RP1: variants seen among roughly 807,000 people sequenced by gnomAD.
RP1 encodes RP1 axonemal microtubule associated, also known as oxygen-regulated protein 1.
A neutral mutation model predicts 14.8 loss-of-function variants in RP1; 16 were observed. That is an observed-to-expected ratio of 1.08 (90% CI 0.73 to 1.65). RP1 has a LOEUF of 1.65. Ranked by LOEUF, RP1 falls within the 40% of genes most tolerant of loss-of-function variation. RP1 has a pLI of 0.00. For missense variants in RP1, 2,631 were observed against 2,535.0 expected (o/e 1.04, Z -0.81); for synonymous variants, 876 against 883.6 (o/e 0.99, Z 0.15).
At chr8:54,806,362 G>A (rs1203371778) in intron 24 of RP1, among the ~76,000 whole-genome samples, 2 of 151,976 alleles carry the variant, frequency 1.3e-5, no homozygotes, top group Admixed American at 6.6e-5. Flanking sequence ...AGAGTTTAGC[G>A]ATGGACATCC....
intron 24 of RP1, among the ~76,000 whole-genome samples, chr8:54,802,052 C>T (rs890878963): frequency 2.0e-5 from 3 of 152,046 alleles, no homozygotes; most frequent in Non-Finnish European, 4.4e-5. Context: ...CACTAAAGAG[C>T]TGCAGATAAT....
chr8:54,743,024 A>G (rs529264620), intron 19 of RP1, among the ~76,000 whole-genome samples: 11 of 152,310 alleles, frequency 7.2e-5, no homozygotes, highest in African/African-American at 2.6e-4. Context: ...AACACTAATT[A>G]ATTGATTGAA....
chr8:54,861,611 C>CT (rs919811387), intron 27 of RP1, among the ~76,000 whole-genome samples: 14 of 150,886 alleles, frequency 9.3e-5, no homozygotes, highest in South Asian at 2.1e-4. Flanking sequence ...CTTTTCTTTT[C>CT]TTTTTTTTTG....
chr8:54,620,963 C>T lies in RP1; in HGVS notation c.-4C>T. On this transcript the variant is annotated 5_prime_UTR_variant, in exon 2 of 4. Transcript: ENST00000220676. The stretch of plus-strand genomic sequence containing the variant: ...TTTTCTTTCTTCTCTAGGTCTCAGC[C>T]AAAATGAGTGATACCCCTTCTACTG... 1 of 1,614,094 alleles carries T rather than the reference C, an allele frequency of 6.2e-7. No homozygotes were observed. The highest frequency in any genetic ancestry group is 8.5e-7 in the Non-Finnish European group (1 of 1,180,004).
intron 27 of RP1, among the ~76,000 whole-genome samples, chr8:54,858,915 C>T (rs1442121791): frequency 1.3e-5 from 2 of 151,172 alleles, no homozygotes; most frequent in Non-Finnish European, 3.0e-5. Context: ...CATAGAGTGG[C>T]TTCACTGCAG....
Position 54,591,481 on chromosome 8 carries a change from C to T in RP1, c.-12-29474C>T, listed in dbSNP as rs994788430. Among the ~76,000 whole-genome samples the T allele has an allele frequency of 2.0e-5, 3 of 152,236 alleles. No individual in the cohort carries two copies. In the South Asian group the frequency reaches 6.2e-4, roughly 32 times the overall value. ...TAAATTAGTTTTACCTTAAATGTCC[C>T]CTTCTCAGAGAGGACTTCCCTGACA... On this transcript the variant is annotated intron_variant, in intron 1 of 22. Transcript: ENST00000636932.
chr8:54,868,163 A>C (rs1444785598), intron 28 of RP1, among the ~76,000 whole-genome samples: 1 of 152,246 alleles, frequency 6.6e-6, no homozygotes, highest in Non-Finnish European at 1.5e-5. Context: ...TTCCAAGCCA[A>C]AATTAATTTT....
At chr8:54,737,495 G>GCT (rs1393619597) in intron 18 of RP1, among the ~76,000 whole-genome samples, 1 of 152,190 alleles carries the variant, frequency 6.6e-6, no homozygotes, top group Admixed American at 6.5e-5. Flanking sequence ...ACCTTTTAGA[G>GCT]ACAAACTAGC....
intron 7 of RP1, among the ~76,000 whole-genome samples, chr8:54,672,462 G>C (rs1807200161): frequency 1.3e-5 from 2 of 152,058 alleles, no homozygotes; most frequent in Non-Finnish European, 2.9e-5. Context: ...GTTATGCATT[G>C]GCCTTGGTGC....
At chr8:54,631,534 C>T (rs1278574987), downstream of RP1, among the ~76,000 whole-genome samples, 3 of 151,672 alleles carry the variant, frequency 2.0e-5, no homozygotes, top group Non-Finnish European at 4.4e-5. Flanking sequence ...TTATTACTTC[C>T]CCTGCATTTT....
At chr8:54,722,403 T>C (rs1808558901) in intron 16 of RP1, among the ~76,000 whole-genome samples, 1 of 151,856 alleles carries the variant, frequency 6.6e-6, no homozygotes, top group Admixed American at 6.6e-5. Flanking sequence ...CCCGAGTATC[T>C]GGGACTACAG....
At chr8:54,786,350 C>T (rs747558770) in intron 24 of RP1, among the ~76,000 whole-genome samples, 2 of 152,036 alleles carry the variant, frequency 1.3e-5, no homozygotes, top group Non-Finnish European at 2.9e-5. Context: ...TATTAAAGAT[C>T]CTGTACATAT....
chr8:54,681,508 G>GTT (rs1308902972), intron 12 of RP1, among the ~76,000 whole-genome samples: 77 of 151,518 alleles, frequency 5.1e-4, no homozygotes, highest in Middle Eastern at 3.4e-3. Context: ...GTGTGTGTGT[G>GTT]TGTGTGTGTG....
intron 1 of RP1, among the ~76,000 whole-genome samples, chr8:54,560,046 C>T (rs934416346): frequency 1.3e-5 from 2 of 152,128 alleles, no homozygotes; most frequent in African/African-American, 4.8e-5. Flanking sequence ...ATATTTGCAG[C>T]CGGCAGAATG....
chr8:54,730,440 A>G (rs532876451), intron 17 of RP1, among the ~76,000 whole-genome samples: 7 of 152,034 alleles, frequency 4.6e-5, no homozygotes, highest in Non-Finnish European at 8.8e-5. Flanking sequence ...TGAATCTCCA[A>G]GTAGGAACCT....
intron 3 of RP1, among the ~76,000 whole-genome samples, chr8:54,623,567 G>A (rs773605307): frequency 3.6e-4 from 54 of 151,840 alleles, no homozygotes; most frequent in Non-Finnish European, 5.6e-4. Flanking sequence ...CAAAGTGCTG[G>A]GATTACAGAT....
At chr8:54,672,553 G>C (rs1392155583) in intron 7 of RP1, among the ~76,000 whole-genome samples, 4 of 152,194 alleles carry the variant, frequency 2.6e-5, no homozygotes, top group Admixed American at 2.6e-4. Flanking sequence ...GTGTCTCCGT[G>C]TGTAAATTGG....
At chr8:54,764,879 G>GA (rs1255355306) in intron 22 of RP1, among the ~76,000 whole-genome samples, 5 of 148,502 alleles carry the variant, frequency 3.4e-5, no homozygotes, top group Non-Finnish European at 7.4e-5. Context: ...AGAAGCCAAA[G>GA]AGTAATTCTT....
intron 24 of RP1, among the ~76,000 whole-genome samples, chr8:54,801,508 C>A (rs546957373): frequency 6.6e-6 from 1 of 152,136 alleles, no homozygotes; most frequent in East Asian, 1.9e-4. Flanking sequence ...GTTTTTGTTT[C>A]TCTTCCCTCT....
Sources: allele counts gnomAD v4.1 joint callset (sites outside exome capture counted in the v4.1 genomes callset), GRCh38; gene constraint gnomAD v4.1.1; transcripts MANE v1.5; gene names NCBI Gene and HGNC (gene_info 2026-07-23, HGNC 2026-07-21).